The following ARHGAP39 variants were observed in gnomAD, a reference collection of about 807,000 sequenced individuals.
The protein encoded by ARHGAP39 is rho GTPase-activating protein 39.
A neutral mutation model predicts 106.9 loss-of-function variants in ARHGAP39; 44 were observed. That is an observed-to-expected ratio of 0.41 (90% CI 0.32 to 0.53). The LOEUF (loss-of-function observed/expected upper bound fraction) is 0.53. Ranked by LOEUF, ARHGAP39 falls within the 20% of genes least tolerant of loss-of-function variation. ARHGAP39 has a pLI of 0.21. For missense variants in ARHGAP39, 1,496 were observed against 1,577.3 expected (o/e 0.95, Z 0.87); for synonymous variants, 768 against 693.2 (o/e 1.11, Z -1.69).
intron 3 of ARHGAP39, among the ~76,000 whole-genome samples, chr8:144,558,198 T>C (rs1220548485): frequency 6.6e-6 from 1 of 152,240 alleles, no homozygotes; most frequent in Non-Finnish European, 1.5e-5. Flanking sequence ...CTTGAATACA[T>C]AACAGAGAAA....
Position 144,670,130 on chromosome 8 carries a change from G to C in ARHGAP39, c.-82+15556C>G, listed in dbSNP as rs1486730318. Among the ~76,000 whole-genome samples the C allele has an allele frequency of 6.6e-6, 1 of 152,168 alleles. No individual in the cohort carries two copies. Among genetic ancestry groups the C allele is most frequent in the Non-Finnish European group, 1.5e-5 (1 of 68,048 alleles). ...TCAGCAATAAAAAGCAACAGAGCTC[G>C]GATGCATGCTAGAGCGTACCGGGAA... On this transcript the variant is annotated intron_variant, in intron 1 of 11. Coordinates refer to ENST00000377307, the MANE Select transcript of ARHGAP39 (RefSeq NM_025251.3). This position sits in a 1 kb window ranked among gnomAD's most constrained non-coding sequence, Gnocchi z 4.4.
chr8:144,546,288 C>G (rs1817417943), intron 5 of ARHGAP39, among the ~76,000 whole-genome samples: 1 of 152,210 alleles, frequency 6.6e-6, no homozygotes, highest in Non-Finnish European at 1.5e-5. Flanking sequence ...CTCCAGGAGG[C>G]CCCTCCCTGC....
In ARHGAP39 at chr8:144,571,908, A is replaced by G. The variant is rs542767418; in HGVS notation, c.512+8938T>C. Among the ~76,000 whole-genome samples the G allele has an allele frequency of 6.8e-4, 104 of 152,356 alleles. 1 individual carries two copies. In the South Asian group the frequency reaches 0.021, roughly 31 times the overall value. On this transcript the variant is annotated intron_variant, in intron 3 of 11. Coordinates refer to ENST00000377307, the MANE Select transcript of ARHGAP39 (RefSeq NM_025251.3). ...TTACTACAAAGAGAATAAAATACCTAGGAATCCAACTTACAAGGGATGTGA... is the reference window on the plus strand; with the variant it reads ...TTACTACAAAGAGAATAAAATACCTGGGAATCCAACTTACAAGGGATGTGA...
At chr8:144,627,702 G>A (rs1210864192) in intron 1 of ARHGAP39, among the ~76,000 whole-genome samples, 2 of 152,170 alleles carry the variant, frequency 1.3e-5, no homozygotes, top group Non-Finnish European at 2.9e-5. Flanking sequence ...AGGCTACAGT[G>A]AGCCGAAATG....
intron 1 of ARHGAP39, among the ~76,000 whole-genome samples, chr8:144,643,996 G>A (rs1404593485): frequency 6.6e-6 from 1 of 152,196 alleles, no homozygotes; most frequent in Non-Finnish European, 1.5e-5. Flanking sequence ...TACACTGCAA[G>A]TAAGAACTCA....
In ARHGAP39 at chr8:144,545,523, C is replaced by G; in HGVS notation, c.2247G>C (p.Leu749=). The G allele has an allele frequency of 6.2e-7, 1 of 1,613,352 alleles. No individual in the cohort carries two copies. Among genetic ancestry groups the G allele is most frequent in the Non-Finnish European group, 8.5e-7 (1 of 1,179,818 alleles). Residue 749 remains leucine (L), a synonymous_variant, in exon 6 of 12, where the codon CTG becomes CTC. Coordinates refer to ENST00000377307, the MANE Select transcript of ARHGAP39 (RefSeq NM_025251.3). ...VKKEACELFK[L]IQMYMGDRRA... ...GCCGGTCACCCATGTACATCTGGATCAGCTTGAAGAGCTCGCAGGCCTCCT... is the reference window on the plus strand; with the variant it reads ...GCCGGTCACCCATGTACATCTGGATGAGCTTGAAGAGCTCGCAGGCCTCCT...
At chr8:144,687,883 A>G (rs1375011163), upstream of ARHGAP39, among the ~76,000 whole-genome samples, 2 of 123,200 alleles carry the variant, frequency 1.6e-5, no homozygotes, top group African/African-American at 3.0e-5. Context: ...CCACACATTT[A>G]CAGTGAACAC....
chr8:144,589,111 C>T (rs1167766774), intron 2 of ARHGAP39, among the ~76,000 whole-genome samples: 4 of 152,184 alleles, frequency 2.6e-5, no homozygotes, highest in South Asian at 2.1e-4. Flanking sequence ...AGAAAGGCAC[C>T]GGCGGCATGA....
chr8:144,649,079 A>G (rs1043688462), intron 1 of ARHGAP39, among the ~76,000 whole-genome samples: 1 of 152,178 alleles, frequency 6.6e-6, no homozygotes, highest in African/African-American at 2.4e-5. Context: ...TTCTTGGAAA[A>G]ATTAATAAGA....
chr8:144,579,066 G>A (rs1818869687), intron 3 of ARHGAP39, among the ~76,000 whole-genome samples: 1 of 151,760 alleles, frequency 6.6e-6, no homozygotes, highest in Admixed American at 6.6e-5. Context: ...GCTGGGCGTG[G>A]TGGCAGGTGC....
intron 7 of ARHGAP39, among the ~76,000 whole-genome samples, chr8:144,534,717 G>C (rs535980762): frequency 6.6e-6 from 1 of 152,328 alleles, no homozygotes; most frequent in African/African-American, 2.4e-5. Flanking sequence ...CCCTGGGCCT[G>C]AAGTACCACC....
intron 1 of ARHGAP39, among the ~76,000 whole-genome samples, chr8:144,634,979 A>T (rs1251850020): frequency 2.6e-5 from 4 of 152,268 alleles, no homozygotes; most frequent in Non-Finnish European, 5.9e-5. Context: ...CTCCTTCAGG[A>T]CTAAGCTCAC....
chr8:144,554,072 T>C (rs1328674768), intron 4 of ARHGAP39, among the ~76,000 whole-genome samples: 1 of 152,160 alleles, frequency 6.6e-6, no homozygotes, highest in Non-Finnish European at 1.5e-5. Flanking sequence ...AGGTGAAAGG[T>C]GCCAGCCTCT....
intron 1 of ARHGAP39, among the ~76,000 whole-genome samples, chr8:144,664,330 T>C (rs552911258): frequency 1.3e-5 from 2 of 152,318 alleles, no homozygotes; most frequent in South Asian, 4.1e-4. Context: ...CAGGATCCTT[T>C]TAAAACAGAC....
chr8:144,541,166 G>A (rs1328561500), intron 6 of ARHGAP39, among the ~76,000 whole-genome samples: 1 of 152,166 alleles, frequency 6.6e-6, no homozygotes, highest in African/African-American at 2.4e-5. Flanking sequence ...TGCTTCTTAA[G>A]CAGTTTTAAC....
chr8:144,631,942 A>C (rs995910911), intron 1 of ARHGAP39, among the ~76,000 whole-genome samples: 1 of 152,144 alleles, frequency 6.6e-6, no homozygotes, highest in African/African-American at 2.4e-5. Flanking sequence ...TCCGTATCTC[A>C]GCTGCCACCT....
chr8:144,679,736 T>C lies in ARHGAP39; in HGVS notation c.-82+5950A>G, dbSNP rs2129759694. 6.6e-6 allele frequency among the ~76,000 whole-genome samples: 1 copy of C among 152,342 alleles called. No homozygotes were observed. The highest frequency in any genetic ancestry group is 2.4e-5 in the African/African-American group (1 of 41,574). ...TGTCTCACGCCTGTAATCCCAGCAC[T>C]TTGGGAGGCCAAGGCGGGCGGATCA... On this transcript the variant is annotated intron_variant, in intron 1 of 11. Coordinates refer to ENST00000377307, the MANE Select transcript of ARHGAP39 (RefSeq NM_025251.3). The surrounding 1 kb of genome is among the most constrained non-coding windows in gnomAD (Gnocchi z 4.7).
At chr8:144,673,032 C>A (rs1325028585) in intron 1 of ARHGAP39, among the ~76,000 whole-genome samples, 1 of 152,094 alleles carries the variant, frequency 6.6e-6, no homozygotes, top group African/African-American at 2.4e-5. Flanking sequence ...GTCTGGGTAA[C>A]AGGGTGAAAT....
Position 144,534,106 on chromosome 8 carries a change from CGGCCCCCCA to C in ARHGAP39, c.2688+14_2688+22del, listed in dbSNP as rs748515036. The C allele has an allele frequency of 3.1e-6, 5 of 1,610,958 alleles. No homozygotes were observed. The South Asian group carries it at 5.5e-5, about 18-fold the overall frequency. Reference sequence around the variant, plus strand: ...TCTCTGTGTCCCCGCCTGCCCTCCCCGGCCCCCCAGGCGCACCCGTACCTTCTTGGCCCC... The same window carrying C: ...TCTCTGTGTCCCCGCCTGCCCTCCCCGGCGCACCCGTACCTTCTTGGCCCC... On this transcript the variant is annotated intron_variant, in intron 8 of 11. Coordinates refer to ENST00000377307, the MANE Select transcript of ARHGAP39 (RefSeq NM_025251.3).
Sources: allele counts gnomAD v4.1 joint callset (sites outside exome capture counted in the v4.1 genomes callset), GRCh38; gene constraint gnomAD v4.1.1; non-coding constraint Gnocchi (gnomAD v3.1); transcripts MANE v1.5; gene names NCBI Gene and HGNC (gene_info 2026-07-23, HGNC 2026-07-21).